Variants in HS3ST5 observed in about 807,000 individuals in gnomAD.
HS3ST5 encodes the protein heparan sulfate glucosamine 3-O-sulfotransferase 5.
A neutral mutation model predicts 25.4 loss-of-function variants in HS3ST5; 10 were observed. The observed-to-expected ratio is 0.39, with a 90% CI of 0.24 to 0.67. The LOEUF is 0.67. Ranked by LOEUF, HS3ST5 falls within the 30% of genes least tolerant of loss-of-function variation. HS3ST5 has a pLI of 0.44. For missense variants in HS3ST5, 324 were observed against 420.7 expected, an observed-to-expected ratio of 0.77 and a Z score of 2.01; for synonymous variants, 170 against 162.4, an observed-to-expected ratio of 1.05 and a Z score of -0.36.
rs147413630 is a variant in HS3ST5 at position 114,159,634 on chromosome 6, A to G, written c.-33+8717T>C. Among the ~76,000 whole-genome samples the G allele has an allele frequency of 2.3e-3, 352 of 152,306 alleles. 1 individual carries two copies. The highest frequency in any genetic ancestry group is 8.3e-3 in the African/African-American group (343 of 41,556). On this transcript the variant is annotated intron_variant, in intron 3 of 4. Transcript: ENST00000312719. Reference sequence around the variant, plus strand: ...TTCTTGATCCAAGTGCTAGTTACACAGGCGGGCTCACCTTGTGAAAATCCA... The same window carrying G: ...TTCTTGATCCAAGTGCTAGTTACACGGGCGGGCTCACCTTGTGAAAATCCA...
intron 3 of HS3ST5, among the ~76,000 whole-genome samples, chr6:114,154,928 A>G (rs577523226): frequency 6.6e-6 from 1 of 152,120 alleles, no homozygotes; most frequent in South Asian, 2.1e-4. Flanking sequence ...ACTTTGCCTT[A>G]TCTTTCCCGA....
chr6:114,142,153 TTCC>T (rs1213645213), intron 3 of HS3ST5, among the ~76,000 whole-genome samples: 14 of 152,144 alleles, frequency 9.2e-5, no homozygotes, highest in Admixed American at 6.5e-5. Flanking sequence ...TTCTTAAGCT[TTCC>T]TGCTTGGAGC....
chr6:114,091,453 A>G (rs299407), intron 3 of HS3ST5, among the ~76,000 whole-genome samples: 131,812 of 151,886 alleles, frequency 0.87, 57,377 homozygotes, highest in Non-Finnish European at 0.9. Flanking sequence ...CGAGGCGGGC[A>G]GATCACCAGG....
chr6:114,202,544 T>G (rs1387399344), intron 2 of HS3ST5, among the ~76,000 whole-genome samples: 2 of 152,122 alleles, frequency 1.3e-5, no homozygotes, highest in African/African-American at 4.8e-5. Flanking sequence ...TAGCAGCAGG[T>G]GAGACTAGGG....
intron 1 of HS3ST5, among the ~76,000 whole-genome samples, chr6:114,333,652 A>T (rs527998275): frequency 1.8e-3 from 267 of 152,074 alleles, no homozygotes; most frequent in African/African-American, 6.2e-3. Context: ...TATTTTTTTA[A>T]AATTTTTTTT....
intron 1 of HS3ST5, among the ~76,000 whole-genome samples, chr6:114,255,400 T>A (rs1458715412): frequency 6.6e-6 from 1 of 152,062 alleles, no homozygotes; most frequent in Non-Finnish European, 1.5e-5. Context: ...CACCGCTGAG[T>A]GTCTGCGGCT....
At chr6:114,146,388 A>G (rs993524809) in intron 3 of HS3ST5, among the ~76,000 whole-genome samples, 6 of 152,222 alleles carry the variant, frequency 3.9e-5, no homozygotes, top group Non-Finnish European at 7.3e-5. Context: ...TCTGGCCCAT[A>G]AAGTCCTGTG....
At chr6:114,190,840 C>A (rs1780466132) in intron 2 of HS3ST5, among the ~76,000 whole-genome samples, 1 of 152,124 alleles carries the variant, frequency 6.6e-6, no homozygotes, top group Non-Finnish European at 1.5e-5. Context: ...CATGAATGCA[C>A]CATGTAGACT....
At chr6:114,125,728 A>C (rs1777006163) in intron 3 of HS3ST5, among the ~76,000 whole-genome samples, 1 of 152,220 alleles carries the variant, frequency 6.6e-6, no homozygotes, top group East Asian at 1.9e-4. Context: ...TAGTTGATGC[A>C]AAGCTGAAAT....
chr6:114,196,810 GT>G (rs1780782040), intron 2 of HS3ST5, among the ~76,000 whole-genome samples: 1 of 151,956 alleles, frequency 6.6e-6, no homozygotes, highest in African/African-American at 2.4e-5. Flanking sequence ...GAAAGATTTT[GT>G]TTTTAAAGGA....
chr6:114,057,965 G>A lies in HS3ST5; in HGVS notation c.333C>T (p.Asn111=). Reference sequence around the variant, plus strand: ...AGGCTTTGACTACTGCCGGATGTAGGTTCAGCATTTCAAGCAGGGCCCTTG... The same window carrying A: ...AGGCTTTGACTACTGCCGGATGTAGATTCAGCATTTCAAGCAGGGCCCTTG... ...GGTRALLEML[N]LHPAVVKASQ... is the part of the protein sequence containing the mutation. The change falls in exon 5 of 5, where the codon AAC becomes AAT. Residue 111 remains asparagine, a synonymous_variant. Coordinates refer to ENST00000312719, the MANE Select transcript of HS3ST5 (RefSeq NM_153612.4). 1 of 1,614,148 alleles carries A rather than the reference G, an allele frequency of 6.2e-7. No homozygotes were observed. Among genetic ancestry groups the A allele is most frequent in the Non-Finnish European group, 8.5e-7 (1 of 1,180,028 alleles).
chr6:114,078,863 G>T (rs1444393823), intron 3 of HS3ST5, among the ~76,000 whole-genome samples: 1 of 152,188 alleles, frequency 6.6e-6, no homozygotes, highest in African/African-American at 2.4e-5. Context: ...CGTGGATTTG[G>T]TTTCAGAGCA....
chr6:114,257,917 A>T (rs992496727), intron 1 of HS3ST5, among the ~76,000 whole-genome samples: 6 of 151,914 alleles, frequency 3.9e-5, no homozygotes, highest in African/African-American at 1.5e-4. Context: ...ATTGATTGAT[A>T]GATAGATAGA....
intron 1 of HS3ST5, among the ~76,000 whole-genome samples, chr6:114,322,413 TG>T (rs1776005707): frequency 6.6e-6 from 1 of 152,132 alleles, no homozygotes; most frequent in African/African-American, 2.4e-5. Flanking sequence ...GCTTTTTCCT[TG>T]TACTGTGTTT....
At chr6:114,096,976 G>C (rs1208613028) in intron 3 of HS3ST5, among the ~76,000 whole-genome samples, 2 of 151,954 alleles carry the variant, frequency 1.3e-5, no homozygotes, top group East Asian at 3.9e-4. Flanking sequence ...ATGTAAATAT[G>C]CACCTGATAA....
At chr6:114,291,193 G>T (rs1313942409) in intron 1 of HS3ST5, among the ~76,000 whole-genome samples, 1 of 152,076 alleles carries the variant, frequency 6.6e-6, no homozygotes, top group African/African-American at 2.4e-5. Flanking sequence ...ACTAGTTGGG[G>T]AGTGCATGAT....
chr6:114,106,313 T>G (rs1230986080), intron 3 of HS3ST5, among the ~76,000 whole-genome samples: 1 of 152,012 alleles, frequency 6.6e-6, no homozygotes, highest in Non-Finnish European at 1.5e-5. Flanking sequence ...ATACTGTCAC[T>G]TAGGAAAAGG....
intron 1 of HS3ST5, among the ~76,000 whole-genome samples, chr6:114,328,995 C>T (rs765453301): frequency 2.0e-5 from 3 of 152,202 alleles, no homozygotes; most frequent in African/African-American, 7.2e-5. Context: ...ATCTAACTGT[C>T]GCCCCTCTTT....
chr6:114,325,021 T>TA (rs1776117491), intron 1 of HS3ST5, among the ~76,000 whole-genome samples: 1 of 152,198 alleles, frequency 6.6e-6, no homozygotes, highest in African/African-American at 2.4e-5. Flanking sequence ...AAGAAACATT[T>TA]AAACAAAGAT....
Sources: allele counts gnomAD v4.1 joint callset (sites outside exome capture counted in the v4.1 genomes callset), GRCh38; gene constraint gnomAD v4.1.1; transcripts MANE v1.5; gene names NCBI Gene and HGNC (gene_info 2026-07-23, HGNC 2026-07-21).